Variants in CTNND2 observed in about 807,000 individuals in gnomAD.
CTNND2 encodes the protein catenin delta-2.
Under a neutral mutation model 144.4 loss-of-function variants are expected in CTNND2, and 22 were observed. The observed-to-expected ratio is 0.15, with a 90% CI of 0.11 to 0.22. The LOEUF is 0.22. Ranked by LOEUF, CTNND2 falls within the 10% of genes least tolerant of loss-of-function variation. The pLI is 1.00. For missense variants in CTNND2, 1,353 were observed against 1,618.8 expected, an observed-to-expected ratio of 0.84 and a Z score of 2.82; for synonymous variants, 751 against 695.6, an observed-to-expected ratio of 1.08 and a Z score of -1.25.
intron 2 of CTNND2, among the ~76,000 whole-genome samples, chr5:11,610,973 T>C (rs76523096): frequency 0.03 from 4,508 of 152,294 alleles, 215 homozygotes; most frequent in African/African-American, 0.1. Flanking sequence ...CAGTAGATGA[T>C]ATGGTTTGGC....
chr5:11,256,851 G>A (rs1744304198), intron 9 of CTNND2, among the ~76,000 whole-genome samples: 1 of 152,166 alleles, frequency 6.6e-6, no homozygotes, highest in South Asian at 2.1e-4. Context: ...TTGGGGCCAG[G>A]TAATTCTTGG....
intron 1 of CTNND2, among the ~76,000 whole-genome samples, chr5:11,898,587 T>C (rs865995103): frequency 3.3e-5 from 5 of 152,190 alleles, no homozygotes; most frequent in Non-Finnish European, 7.3e-5. Flanking sequence ...TCTAGTGTTA[T>C]AAAGTAAACA....
intron 11 of CTNND2, among the ~76,000 whole-genome samples, chr5:11,165,590 A>T (rs1354172338): frequency 6.6e-6 from 1 of 152,218 alleles, no homozygotes; most frequent in East Asian, 1.9e-4. Flanking sequence ...ATTTCCATCC[A>T]ATAGCTTTCC....
At chr5:11,098,786 A>G (rs1208587718) in intron 14 of CTNND2, 38 bp from the exon 15 acceptor site, 6 of 1,595,838 alleles carry the variant, frequency 3.8e-6, no homozygotes, top group Non-Finnish European at 5.1e-6. Flanking sequence ...CATCTTTAAC[A>G]TCTTTATGCT....
chr5:11,464,189 C>T (rs1469632608), intron 3 of CTNND2, among the ~76,000 whole-genome samples: 2 of 152,118 alleles, frequency 1.3e-5, no homozygotes, highest in East Asian at 1.9e-4. Flanking sequence ...GCCAAACAGA[C>T]AAAAATTCTT....
At chr5:11,450,625 C>A (rs531400478) in intron 3 of CTNND2, among the ~76,000 whole-genome samples, 4 of 152,116 alleles carry the variant, frequency 2.6e-5, no homozygotes, top group Non-Finnish European at 4.4e-5. Flanking sequence ...CCAGGCTGGG[C>A]GTGGTGGCTC....
chr5:11,390,081 T>C (rs40485), intron 6 of CTNND2, among the ~76,000 whole-genome samples: 133,990 of 152,226 alleles, frequency 0.88, 59,120 homozygotes, highest in Middle Eastern at 0.95. Flanking sequence ...AAGGGATGCT[T>C]GACCTGTCTA....
chr5:11,257,629 A>T (rs1212003134), intron 9 of CTNND2, among the ~76,000 whole-genome samples: 2 of 152,254 alleles, frequency 1.3e-5, no homozygotes, highest in East Asian at 3.9e-4. Flanking sequence ...CTTATGATTC[A>T]ATTACCTCCC....
intron 2 of CTNND2, among the ~76,000 whole-genome samples, chr5:11,676,098 T>G (rs1236725209): frequency 1.3e-5 from 2 of 151,962 alleles, no homozygotes; most frequent in Non-Finnish European, 2.9e-5. Context: ...GAGCTCTGGC[T>G]GGCATCTGGC....
At chr5:11,000,900 C>CA (rs995052966) in intron 18 of CTNND2, among the ~76,000 whole-genome samples, 1 of 152,206 alleles carries the variant, frequency 6.6e-6, no homozygotes, top group African/African-American at 2.4e-5. Context: ...ACTCCTCCCC[C>CA]AAATGGATGC....
rs1735971706 is a variant in CTNND2 at position 10,972,779 on chromosome 5, T to A, written c.*674A>T. 6.6e-6 allele frequency: 1 copy of A among 151,664 alleles called. No homozygotes were observed. The highest frequency in any genetic ancestry group is 1.5e-5 in the Non-Finnish European group (1 of 67,700). 9.4% of individuals were successfully genotyped at this position (151,664 alleles called of 1,614,324 possible). A position where few individuals can be genotyped will look rare whatever the true frequency, so the allele number is the denominator to read the frequency against. On this transcript the variant is annotated 3_prime_UTR_variant, in exon 22 of 22. Coordinates refer to ENST00000304623, the MANE Select transcript of CTNND2 (RefSeq NM_001332.4). ...GCTAAATATTCCTTTTTTCCTGCTT[T>A]TTTTTTTTTTTGTTAAAACATACTG...
intron 15 of CTNND2, among the ~76,000 whole-genome samples, chr5:11,091,316 T>A (rs755541178): frequency 2.0e-5 from 3 of 152,238 alleles, no homozygotes; most frequent in Admixed American, 6.5e-5. Context: ...AGACACTGCA[T>A]TTCAGACTCT....
chr5:10,988,063 C>T lies in CTNND2; in HGVS notation c.3343+48G>A, dbSNP rs1233757768. 8.1e-6 allele frequency: 13 copies of T among 1,610,878 alleles called. No homozygotes were observed. Among genetic ancestry groups the T allele is most frequent in the South Asian group, 1.1e-5 (1 of 90,484 alleles). ...GATGTCCCATATCTCTGCCTTGTCG[C>T]GGGTCAAGCCACCAAGTTCCAGGAG... On this transcript the variant is annotated intron_variant, in intron 20 of 21. Coordinates refer to ENST00000304623, the MANE Select transcript of CTNND2 (RefSeq NM_001332.4). The surrounding 1 kb of genome is among the most constrained non-coding windows in gnomAD (Gnocchi z 5.9).
chr5:10,997,746 G>A (rs1301325085), intron 18 of CTNND2, among the ~76,000 whole-genome samples: 3 of 152,150 alleles, frequency 2.0e-5, no homozygotes, highest in African/African-American at 7.2e-5. Flanking sequence ...AGTGGCTCGG[G>A]ACAGTCGTTT....
chr5:11,279,297 A>C (rs2149993098), intron 9 of CTNND2, among the ~76,000 whole-genome samples: 1 of 152,244 alleles, frequency 6.6e-6, no homozygotes, highest in South Asian at 2.1e-4. Flanking sequence ...TGTCCCTCTC[A>C]CCATTTCCAG....
chr5:11,213,870 A>G (rs1362039731), intron 10 of CTNND2, among the ~76,000 whole-genome samples: 1 of 152,220 alleles, frequency 6.6e-6, no homozygotes, highest in Non-Finnish European at 1.5e-5. Flanking sequence ...GTAAACATAT[A>G]TGTCCATAAG....
chr5:11,823,573 C>T (rs1033646885), intron 1 of CTNND2, among the ~76,000 whole-genome samples: 5 of 152,062 alleles, frequency 3.3e-5, no homozygotes, highest in African/African-American at 1.2e-4. Flanking sequence ...AGCTGTTATG[C>T]AGCTCATTTT....
At chr5:11,611,078 C>G (rs1208527229) in intron 2 of CTNND2, among the ~76,000 whole-genome samples, 1 of 152,140 alleles carries the variant, frequency 6.6e-6, no homozygotes, top group Non-Finnish European at 1.5e-5. Flanking sequence ...ATCATGCGGA[C>G]AGTTACCCCT....
intron 1 of CTNND2, among the ~76,000 whole-genome samples, chr5:11,899,288 G>A (rs1398490320): frequency 6.6e-6 from 1 of 152,132 alleles, no homozygotes; most frequent in Non-Finnish European, 1.5e-5. Context: ...GTCTATGATA[G>A]TCTTTGTACA....
Sources: allele counts gnomAD v4.1 joint callset (sites outside exome capture counted in the v4.1 genomes callset), GRCh38; gene constraint gnomAD v4.1.1; non-coding constraint Gnocchi (gnomAD v3.1); transcripts MANE v1.5; gene names NCBI Gene and HGNC (gene_info 2026-07-23, HGNC 2026-07-21).